Variants in PPP2R3A observed in about 807,000 individuals in gnomAD.
PPP2R3A encodes the protein serine/threonine-protein phosphatase 2A regulatory subunit B'' subunit alpha.
In PPP2R3A, 80 loss-of-function variants were observed where a neutral mutation model predicts 106.9. That is an observed-to-expected ratio of 0.75 (90% confidence interval 0.62 to 0.90). The LOEUF (loss-of-function observed/expected upper bound fraction) is 0.90, where lower values mean the gene tolerates loss of function less well. Among genes scored for constraint, PPP2R3A ranks in the 40% least tolerant of loss-of-function variants. The pLI is 0.00. For synonymous variants in PPP2R3A, 483 were observed against 468.3 expected, an observed-to-expected ratio of 1.03 and a Z score of -0.41; for missense variants, 1,386 against 1,350.4, an observed-to-expected ratio of 1.03 and a Z score of -0.41.
At chr3:136,056,097 C>A (rs890021996) in intron 5 of PPP2R3A, among the ~76,000 whole-genome samples, 1 of 152,142 alleles carries the variant, frequency 6.6e-6, no homozygotes, top group Non-Finnish European at 1.5e-5. Flanking sequence ...TAAACCCAGT[C>A]TAATCATGAG....
intron 3 of PPP2R3A, among the ~76,000 whole-genome samples, chr3:136,037,907 T>C (rs1009860166): frequency 1.3e-5 from 2 of 152,088 alleles, no homozygotes; most frequent in African/African-American, 4.8e-5. Context: ...TCTGTATCTC[T>C]GTGTATACCC....
chr3:136,056,782 A>C (rs1935876615), intron 5 of PPP2R3A, among the ~76,000 whole-genome samples: 2 of 152,176 alleles, frequency 1.3e-5, no homozygotes, highest in African/African-American at 4.8e-5. Flanking sequence ...CAACAGAGTG[A>C]AAAGAAAATC....
chr3:136,075,803 T>C (rs1007067700), intron 6 of PPP2R3A, among the ~76,000 whole-genome samples: 7 of 152,170 alleles, frequency 4.6e-5, no homozygotes, highest in Admixed American at 4.6e-4. Flanking sequence ...AAATCTTCAA[T>C]AGAAAAATGT....
intron 5 of PPP2R3A, among the ~76,000 whole-genome samples, chr3:136,059,352 C>T (rs1167281478): frequency 2.0e-5 from 3 of 151,858 alleles, no homozygotes; most frequent in Non-Finnish European, 4.4e-5. Context: ...AGAAGACGTG[C>T]ATGTGGCCAA....
rs1386400179 is a variant in PPP2R3A at position 136,048,836 on chromosome 3, AAAC to A, written c.2367-418_2367-416del. On this transcript the variant is annotated intron_variant, in intron 4 of 13. Transcript: ENST00000264977. ...GAAAGAGGCAAATTTGGTAGAAATGAAACAACATGGTAGTTGATAGGTGTCGGG... is the reference window on the plus strand; with the variant it reads ...GAAAGAGGCAAATTTGGTAGAAATGAAACATGGTAGTTGATAGGTGTCGGG... Among the ~76,000 whole-genome samples, 8 of 152,324 alleles carry A rather than the reference AAAC, an allele frequency of 5.3e-5. No individual in the cohort carries two copies. In the East Asian group the frequency reaches 1.5e-3, roughly 29 times the overall value.
intron 13 of PPP2R3A, among the ~76,000 whole-genome samples, chr3:136,119,592 A>G (rs1429518518): frequency 1.3e-5 from 2 of 152,256 alleles, no homozygotes; most frequent in Non-Finnish European, 2.9e-5. Context: ...TATGCAGCCA[A>G]CAAACATATG....
chr3:136,144,295 AC>A (rs1263662804), intron 13 of PPP2R3A, among the ~76,000 whole-genome samples: 1 of 152,228 alleles, frequency 6.6e-6, no homozygotes, highest in African/African-American at 2.4e-5. Context: ...AGTTCAACCT[AC>A]ATACTTGAAC....
chr3:136,088,111 T>C (rs542774611), intron 9 of PPP2R3A, among the ~76,000 whole-genome samples, 180 bp downstream of exon 9: 2 of 152,334 alleles, frequency 1.3e-5, no homozygotes, highest in East Asian at 3.9e-4. Flanking sequence ...ATTTCAACTT[T>C]TCTGATTCAG....
chr3:136,040,037 G>A (rs555816161), intron 3 of PPP2R3A, among the ~76,000 whole-genome samples: 1 of 152,192 alleles, frequency 6.6e-6, no homozygotes, highest in African/African-American at 2.4e-5. Context: ...CATTTAAATA[G>A]ATATGATAGC....
At chr3:136,070,423 A>G in intron 5 of PPP2R3A, 55 bp from the exon 6 acceptor site, 1 of 1,459,014 alleles carries the variant, frequency 6.9e-7, no homozygotes, top group Non-Finnish European at 9.3e-7. Flanking sequence ...AAAAACTTCC[A>G]TAGGCATAAT....
In PPP2R3A at chr3:136,002,593, T is replaced by C. The variant is rs1417763745; in HGVS notation, c.1095T>C (p.Thr365=). Residue 365 remains threonine, a synonymous_variant, in exon 2 of 14, where the codon ACT becomes ACC. Transcript: ENST00000264977. ...AGCCTAATTCTAGGAAGATGGACAC[T>C]GTACAATCCATTCCAAACAACTCCA... ...NDKPNSRKMD[T]VQSIPNNSTN... 2 of 1,613,768 alleles carry C rather than the reference T, an allele frequency of 1.2e-6. No individual in the cohort carries two copies. The highest frequency in any genetic ancestry group is 1.1e-5 in the South Asian group (1 of 91,066).
At chr3:136,081,497 A>G (rs1181918246) in intron 7 of PPP2R3A, among the ~76,000 whole-genome samples, 1 of 151,948 alleles carries the variant, frequency 6.6e-6, no homozygotes, top group Non-Finnish European at 1.5e-5. Flanking sequence ...GAGATGTATC[A>G]CTTATCTTTA....
intron 9 of PPP2R3A, among the ~76,000 whole-genome samples, chr3:136,089,079 T>C (rs1937029623): frequency 1.3e-5 from 2 of 152,170 alleles, no homozygotes; most frequent in Admixed American, 1.3e-4. Flanking sequence ...AAAAGCTCTT[T>C]AGTTTAATTA....
chr3:136,100,546 G>A (rs111812824), intron 10 of PPP2R3A, among the ~76,000 whole-genome samples: 2 of 152,024 alleles, frequency 1.3e-5, no homozygotes, highest in East Asian at 1.9e-4. Context: ...GAGCATGGCG[G>A]CAGGCACCTG....
intron 2 of PPP2R3A, among the ~76,000 whole-genome samples, chr3:136,010,517 C>G (rs1187319129): frequency 6.7e-6 from 1 of 148,630 alleles, no homozygotes; most frequent in East Asian, 2.0e-4. Context: ...AGCTCCGCCT[C>G]CCGGGTTCAC....
chr3:136,136,721 C>T (rs1938637573), intron 13 of PPP2R3A, among the ~76,000 whole-genome samples: 1 of 152,174 alleles, frequency 6.6e-6, no homozygotes, highest in African/African-American at 2.4e-5. Context: ...ACAAGGATAT[C>T]TACAGTAGTC....
intron 3 of PPP2R3A, among the ~76,000 whole-genome samples, 198 bp from the exon 4 acceptor site, chr3:136,040,661 G>A (rs1935235568): frequency 6.6e-6 from 1 of 151,616 alleles, no homozygotes; most frequent in Non-Finnish European, 1.5e-5. Flanking sequence ...CATTGAACAT[G>A]TTCTCTTATT....
intron 7 of PPP2R3A, among the ~76,000 whole-genome samples, chr3:136,079,816 C>T (rs34894639): frequency 0.27 from 40,926 of 150,824 alleles, 6,113 homozygotes; most frequent in African/African-American, 0.39. Context: ...TAAGATCACA[C>T]AAAAGTAAGT....
At chr3:135,966,190 C>T (rs1189668123) in intron 1 of PPP2R3A, among the ~76,000 whole-genome samples, 2 of 152,130 alleles carry the variant, frequency 1.3e-5, no homozygotes, top group African/African-American at 4.8e-5. Context: ...GGCTCCTGGG[C>T]CAGTTCGCCC....
Sources: gnomAD v4.1 joint callset for allele counts (sites outside exome capture counted in the v4.1 genomes callset) on GRCh38, gnomAD v4.1.1 for gene constraint, MANE v1.5 for transcripts, NCBI Gene and HGNC (gene_info 2026-07-23, HGNC 2026-07-21) for gene names.